AUTS2: variants seen among roughly 807,000 people sequenced by gnomAD.
AUTS2 encodes the protein autism susceptibility gene 2 protein.
A neutral mutation model predicts 112.4 loss-of-function variants in AUTS2; 17 were observed. The ratio of observed to expected loss-of-function variants is 0.15; its 90% confidence interval spans 0.10 to 0.23. The LOEUF is 0.23. AUTS2 is among the 10% of genes least tolerant of loss of function. AUTS2 has a pLI of 1.00. For synonymous variants in AUTS2, 751 were observed against 702.7 expected (o/e 1.07, Z -1.09); for missense variants, 1,510 against 1,701.6 (o/e 0.89, Z 1.98).
rs555565761 is a variant in AUTS2, at chr7:70,610,486, A to G, written c.691-88083A>G. 5.4e-5 allele frequency among the ~76,000 whole-genome samples: 7 copies of G among 130,244 alleles called. No homozygotes were observed. In the South Asian group the frequency reaches 1.5e-3, roughly 27 times the overall value. The allele number at this position is 130,244 out of a possible 152,430, so 85.4% of individuals were successfully genotyped here. On this transcript the variant is annotated intron_variant, in intron 5 of 18. Transcript: ENST00000342771. ...AGTCTCATTCTGTTGCCCAGGCTAG[A>G]AGGCAGTGGTGTGGTCATGGCTCAC... is the stretch of plus-strand genomic sequence containing the variant.
chr7:70,645,974 C>T (rs902352803), intron 5 of AUTS2, among the ~76,000 whole-genome samples: 4 of 152,238 alleles, frequency 2.6e-5, no homozygotes, highest in South Asian at 4.1e-4. Context: ...CAGAGGCATC[C>T]GTGCGTCTAA....
At chr7:70,633,811 T>C (rs1240396970) in intron 5 of AUTS2, among the ~76,000 whole-genome samples, 1 of 152,200 alleles carries the variant, frequency 6.6e-6, no homozygotes, top group African/African-American at 2.4e-5. Flanking sequence ...ATAATACACT[T>C]TCCTAAATTT....
intron 2 of AUTS2, among the ~76,000 whole-genome samples, chr7:69,926,233 T>C (rs1277697690): frequency 1.3e-5 from 2 of 152,242 alleles, no homozygotes; most frequent in African/African-American, 2.4e-5. Context: ...GCCTGCTTGT[T>C]CTATCAAGAG....
At chr7:70,226,828 A>G (rs1811791128) in intron 4 of AUTS2, among the ~76,000 whole-genome samples, 1 of 152,182 alleles carries the variant, frequency 6.6e-6, no homozygotes, top group Admixed American at 6.6e-5. Flanking sequence ...ATAGTGCTGT[A>G]AGTGGTAGAA....
intron 1 of AUTS2, among the ~76,000 whole-genome samples, chr7:69,634,181 G>A (rs1041498086): frequency 7.3e-5 from 11 of 151,050 alleles, no homozygotes; most frequent in Non-Finnish European, 1.5e-4. Flanking sequence ...GTGCAGTGGC[G>A]CAATCTCGGC....
At chr7:69,649,609 T>A (rs754830267) in intron 1 of AUTS2, among the ~76,000 whole-genome samples, 2 of 152,056 alleles carry the variant, frequency 1.3e-5, no homozygotes, top group Non-Finnish European at 2.9e-5. Flanking sequence ...CTCATTCCTA[T>A]GTATCTACAG....
chr7:70,157,107 A>G (rs1807820818), intron 4 of AUTS2, among the ~76,000 whole-genome samples: 1 of 151,588 alleles, frequency 6.6e-6, no homozygotes, highest in African/African-American at 2.4e-5. Flanking sequence ...TGAAATTGAC[A>G]TTTTAATTTA....
intron 1 of AUTS2, among the ~76,000 whole-genome samples, chr7:69,758,079 C>T (rs750197518): frequency 3.3e-5 from 5 of 152,166 alleles, no homozygotes; most frequent in Non-Finnish European, 5.9e-5. Flanking sequence ...TGTGTTTTCC[C>T]CCCAGGGACC....
intron 1 of AUTS2, among the ~76,000 whole-genome samples, chr7:69,718,015 T>TA (rs1296172323): frequency 6.6e-6 from 1 of 152,212 alleles, no homozygotes; most frequent in Non-Finnish European, 1.5e-5. Context: ...GGGAGTCTAC[T>TA]ATGTACCAGG....
At chr7:69,868,458 G>A (rs1210727433) in intron 1 of AUTS2, among the ~76,000 whole-genome samples, 6 of 152,180 alleles carry the variant, frequency 3.9e-5, no homozygotes, top group African/African-American at 9.6e-5. Flanking sequence ...GGATGATGAA[G>A]ACAGTAAATT....
chr7:70,221,099 A>G (rs193235200), intron 4 of AUTS2, among the ~76,000 whole-genome samples: 32 of 152,196 alleles, frequency 2.1e-4, no homozygotes, highest in Non-Finnish European at 3.4e-4. Flanking sequence ...GTAGAGATGA[A>G]GTCTCACTAT....
At chr7:69,850,066 G>A (rs906849839) in intron 1 of AUTS2, among the ~76,000 whole-genome samples, 2 of 151,852 alleles carry the variant, frequency 1.3e-5, no homozygotes, top group Non-Finnish European at 2.9e-5. Context: ...AGGCCGAGGC[G>A]GGTGGATCAC....
intron 1 of AUTS2, among the ~76,000 whole-genome samples, chr7:69,831,575 G>A (rs1227899728): frequency 6.6e-6 from 1 of 151,728 alleles, no homozygotes; most frequent in Non-Finnish European, 1.5e-5. Context: ...GTAAGCCTTG[G>A]TAAGAAGCAT....
At chr7:69,688,519 G>A (rs561237391) in intron 1 of AUTS2, among the ~76,000 whole-genome samples, 1 of 152,068 alleles carries the variant, frequency 6.6e-6, no homozygotes, top group South Asian at 2.1e-4. Context: ...ACATATAATC[G>A]TACATATTTA....
intron 1 of AUTS2, among the ~76,000 whole-genome samples, chr7:69,765,324 T>C (rs1344631798): frequency 6.6e-6 from 1 of 152,220 alleles, no homozygotes; most frequent in Admixed American, 6.5e-5. Flanking sequence ...GTGAGCATCT[T>C]GGATTGAGTT....
chr7:70,530,320 ACGGC>A (rs1245681042), intron 5 of AUTS2, among the ~76,000 whole-genome samples: 1 of 152,154 alleles, frequency 6.6e-6, no homozygotes, highest in Non-Finnish European at 1.5e-5. Context: ...ACAGCCTTTA[ACGGC>A]CTCCTGGGAG....
intron 5 of AUTS2, among the ~76,000 whole-genome samples, chr7:70,615,191 G>A (rs1048307843): frequency 6.6e-6 from 1 of 152,190 alleles, no homozygotes; most frequent in African/African-American, 2.4e-5. Context: ...AGTTGGAAAG[G>A]AGATGGCACA....
chr7:70,281,388 C>T (rs1272750575), intron 4 of AUTS2, among the ~76,000 whole-genome samples: 1 of 152,218 alleles, frequency 6.6e-6, no homozygotes, highest in Admixed American at 6.5e-5. Context: ...GGATCCCACC[C>T]ATTCCACAGC....
At chr7:69,788,779 A>G (rs1789488944) in intron 1 of AUTS2, among the ~76,000 whole-genome samples, 1 of 151,962 alleles carries the variant, frequency 6.6e-6, no homozygotes, top group Non-Finnish European at 1.5e-5. Context: ...TTAAAAAAAA[A>G]AAAAGACACT....
Sources: allele counts gnomAD v4.1 joint callset (sites outside exome capture counted in the v4.1 genomes callset), GRCh38; gene constraint gnomAD v4.1.1; transcripts MANE v1.5; gene names NCBI Gene and HGNC (gene_info 2026-07-23, HGNC 2026-07-21).